DDX39B: variants seen among roughly 807,000 people sequenced by gnomAD.
DDX39B encodes spliceosome RNA helicase DDX39B.
A neutral mutation model predicts 46.4 loss-of-function variants in DDX39B; 6 were observed. The ratio of observed to expected loss-of-function variants is 0.13; its 90% CI spans 0.07 to 0.26. The LOEUF is 0.26. DDX39B is among the 10% of genes least tolerant of loss of function. The probability of loss-of-function intolerance (pLI) is 1.00; values close to 1 mark genes in which losing one functional copy is unlikely to be tolerated. For missense variants in DDX39B, 185 were observed against 553.4 expected, an observed-to-expected ratio of 0.33 and a Z score of 6.68; for synonymous variants, 174 against 199.4, an observed-to-expected ratio of 0.87 and a Z score of 1.07.
At chr6:31,536,793 A>G (rs1767829386) in intron 4 of DDX39B, 110 bp from the exon 5 acceptor site, 5 of 1,388,856 alleles carry the variant, frequency 3.6e-6, no homozygotes, top group Non-Finnish European at 3.8e-6. Context: ...TTTCCAAACT[A>G]AAACTAACTT....
rs1007336923 is a variant in DDX39B at position 31,531,514 on chromosome 6, T to A, written c.868-109A>T. On this transcript the variant is annotated intron_variant, in intron 7 of 10. Transcript: ENST00000396172. The surrounding 1 kb of genome is among the most constrained non-coding windows in gnomAD (Gnocchi z 5.8). ...TTTCTAGTAATTACGTTCTCAGGAA[T>A]TCCTCTTCATTTCTCTTATTCCCCC... is the stretch of plus-strand genomic sequence containing the variant. The A allele has an allele frequency of 1.1e-4, 96 of 851,866 alleles. No homozygotes were observed. The South Asian group carries it at 1.4e-3, about 12-fold the overall frequency. The allele number at this position is 851,866 out of a possible 1,614,324, so 52.8% of individuals were successfully genotyped here. A position where few individuals can be genotyped will look rare whatever the true frequency, so the allele number is the denominator to read the frequency against.
Position 31,534,698 on chromosome 6 carries a change from G to A in DDX39B, c.735+669C>T, listed in dbSNP as rs377587821. 2.1e-4 allele frequency: 74 copies of A among 356,272 alleles called. No homozygotes were observed. The highest frequency in any genetic ancestry group is 1.3e-3 in the African/African-American group (63 of 46,840). The allele number at this position is 356,272 out of a possible 1,614,324, so 22.1% of individuals were successfully genotyped here. ...GTCAGGTTTCCCCGCGGCCTCCGCT[G>A]CCGCCATCCACCGCTGGGTGCCGTC... On this transcript the variant is annotated intron_variant, in intron 6 of 10. Transcript: ENST00000396172. This position sits in a 1 kb window ranked among gnomAD's most constrained non-coding sequence, Gnocchi z 5.1.
intron 4 of DDX39B, 120 bp downstream of exon 4, chr6:31,538,643 A>G (rs1768052941): frequency 2.3e-6 from 2 of 881,650 alleles, no homozygotes; most frequent in Admixed American, 5.5e-5. Flanking sequence ...GGAACTCAAC[A>G]CTCTGTTACA....
Position 31,541,939 on chromosome 6 carries a change from C to A in DDX39B, c.-133+11G>T. The A allele has an allele frequency of 1.5e-6, 1 of 654,514 alleles. No individual in the cohort carries two copies. Among genetic ancestry groups the A allele is most frequent in the Non-Finnish European group, 2.8e-6 (1 of 354,938 alleles). 40.5% of individuals were successfully genotyped at this position (654,514 alleles called of 1,614,324 possible). On this transcript the variant is annotated intron_variant, in intron 1 of 10. Coordinates refer to ENST00000396172, the MANE Select transcript of DDX39B (RefSeq NM_004640.7). ...AGATGGAAACGGATTGTAGCGAAGG[C>A]CAAAGCTTACCTAAACAGGGAGAGC... is the stretch of plus-strand genomic sequence containing the variant.
chr6:31,536,302 A>C (rs1767774598), intron 5 of DDX39B, 198 bp downstream of exon 5: 1 of 818,194 alleles, frequency 1.2e-6, no homozygotes, highest in African/African-American at 1.7e-5. Flanking sequence ...AAAAACAAAA[A>C]TCATAGAAAG....
chr6:31,530,870 A>T lies in DDX39B; in HGVS notation c.1179T>A (p.Asp393Glu), dbSNP rs1236357354. 1 of 1,613,900 alleles carries T rather than the reference A, an allele frequency of 6.2e-7. No individual in the cohort carries two copies. Among genetic ancestry groups the T allele is most frequent in the Admixed American group, 1.7e-5 (1 of 60,028 alleles). The part of the protein sequence containing the change: ...TKGLAITFVS[D>E]ENDAKILNDV... ...CATTGAGGATCTTGGCATCATTCTC[A>T]TCGGACACAAATGTGATAGCCAAGC... is the stretch of plus-strand genomic sequence containing the variant. The change falls in exon 10 of 11, where the codon GAT becomes GAA. Residue 393 changes from aspartate to glutamate, a missense_variant. Asp to Glu is a conservative substitution (Grantham distance 45, BLOSUM62 2). This residue lies in a region of DDX39B where 22 missense variants were observed against 52.3 expected (regional missense o/e 0.42). Transcript: ENST00000396172. This position sits in a 1 kb window ranked among gnomAD's most constrained non-coding sequence, Gnocchi z 4.5.
At position 31,535,262 on chromosome 6, in the gene DDX39B, C is replaced by A; in HGVS notation, c.735+105G>T. 1.8e-6 allele frequency: 2 copies of A among 1,120,488 alleles called. No individual in the cohort carries two copies. The highest frequency in any genetic ancestry group is 1.4e-6 in the Non-Finnish European group (1 of 737,164). 69.4% of individuals were successfully genotyped at this position (1,120,488 alleles called of 1,614,324 possible). A position where few individuals can be genotyped will look rare whatever the true frequency, so the allele number is the denominator to read the frequency against. On this transcript the variant is annotated intron_variant, in intron 6 of 10. Coordinates refer to ENST00000396172, the MANE Select transcript of DDX39B (RefSeq NM_004640.7). The surrounding 1 kb of genome is among the most constrained non-coding windows in gnomAD (Gnocchi z 4.6). ...TCATTACTCCCAGTTGGGCACAAGC[C>A]GCCTTCTTGGCACTTGAATGACAAG...
chr6:31,530,776 C>T lies in DDX39B; in HGVS notation c.1270+3G>A. 1 of 1,611,566 alleles carries T rather than the reference C, an allele frequency of 6.2e-7. No homozygotes were observed. The highest frequency in any genetic ancestry group is 8.5e-7 in the Non-Finnish European group (1 of 1,179,938). ...TAAAGGGTTTCATGAGATCAGTACT[C>T]ACTGTAGGAGGAGATGTCTATCTCA... On this transcript the variant is annotated splice_donor_region_variant and intron_variant, in intron 10 of 10. Transcript: ENST00000396172. The surrounding 1 kb of genome is among the most constrained non-coding windows in gnomAD (Gnocchi z 4.5).
chr6:31,534,164 C>T lies in DDX39B; in HGVS notation c.735+1203G>A, dbSNP rs1385713182. ...AGCTGGGACTACAGGCATGCGCCAC[C>T]ACGCCCGGTTTTTCTGGTAGAGACA... On this transcript the variant is annotated intron_variant, in intron 6 of 10. Coordinates refer to ENST00000396172, the MANE Select transcript of DDX39B (RefSeq NM_004640.7). This position sits in a 1 kb window ranked among gnomAD's most constrained non-coding sequence, Gnocchi z 5.1. 5.4e-6 allele frequency: 1 copy of T among 186,124 alleles called. No homozygotes were observed. The highest frequency in any genetic ancestry group is 1.1e-5 in the Non-Finnish European group (1 of 87,568). 11.5% of individuals were successfully genotyped at this position (186,124 alleles called of 1,614,324 possible).
rs1767003683 is a variant in DDX39B, at chr6:31,530,260, T to C, written c.*174A>G. The stretch of plus-strand genomic sequence containing the variant: ...CACATGTGTTTCATTTTTAGTTTTG[T>C]TAAAAAAAAATTCTGACAAATCAGA... On this transcript the variant is annotated 3_prime_UTR_variant, in exon 11 of 11. Transcript: ENST00000396172. This position sits in a 1 kb window ranked among gnomAD's most constrained non-coding sequence, Gnocchi z 4.5. The C allele has an allele frequency of 1.1e-6, 1 of 902,362 alleles. No individual in the cohort carries two copies. The highest frequency in any genetic ancestry group is 1.7e-6 in the Non-Finnish European group (1 of 602,692). 55.9% of individuals were successfully genotyped at this position (902,362 alleles called of 1,614,324 possible). A position where few individuals can be genotyped will look rare whatever the true frequency, so the allele number is the denominator to read the frequency against.
intron 7 of DDX39B, 32 bp downstream of exon 7, chr6:31,532,748 A>G (rs1165387270): frequency 1.9e-6 from 3 of 1,606,526 alleles, no homozygotes; most frequent in African/African-American, 2.7e-5. Flanking sequence ...GAGTGCTCCA[A>G]TGCTCATCCC....
At chr6:31,536,706 T>C in intron 4 of DDX39B, 23 bp from the exon 5 acceptor site, 1 of 1,608,728 alleles carries the variant, frequency 6.2e-7, no homozygotes, top group Non-Finnish European at 8.5e-7. Context: ...AAGCAAAGAG[T>C]CTCAAAACAG....
In DDX39B at chr6:31,540,438, T is replaced by C; in HGVS notation, c.95A>G (p.Lys32Arg). Residue 32 changes from lysine (K) to arginine (R), a missense_variant, in exon 2 of 11, where the codon AAG (lysine) becomes AGG (arginine). By Grantham distance (26) the Lys-to-Arg change is conservative (BLOSUM62 2). Coordinates refer to ENST00000396172, the MANE Select transcript of DDX39B (RefSeq NM_004640.7). ...AGGDGAEAPAKKDVKGSYVSI... is the reference protein window; with the variant it reads ...AGGDGAEAPARKDVKGSYVSI... Reference sequence around the variant, plus strand: ...GACATAGGAGCCCTTGACATCCTTCTTGGCAGGGGCCTCAGCCCCATCTCC... The same window carrying C: ...GACATAGGAGCCCTTGACATCCTTCCTGGCAGGGGCCTCAGCCCCATCTCC... The C allele has an allele frequency of 1.2e-6, 2 of 1,614,236 alleles. No homozygotes were observed. Among genetic ancestry groups the C allele is most frequent in the South Asian group, 1.1e-5 (1 of 91,078 alleles).
chr6:31,531,665 G>C lies in DDX39B; in HGVS notation c.868-260C>G. ...AATTGCCAGACATGCTAGGAGATGA[G>C]GATGAGATCACCTCATGAAAAAGTG... On this transcript the variant is annotated intron_variant, in intron 7 of 10. Coordinates refer to ENST00000396172, the MANE Select transcript of DDX39B (RefSeq NM_004640.7). This position sits in a 1 kb window ranked among gnomAD's most constrained non-coding sequence, Gnocchi z 5.8. 1 of 500,064 alleles carries C rather than the reference G, an allele frequency of 2.0e-6. No individual in the cohort carries two copies. The highest frequency in any genetic ancestry group is 3.7e-5 in the Admixed American group (1 of 27,366). The allele number at this position is 500,064 out of a possible 1,614,324, so 31.0% of individuals were successfully genotyped here.
intron 4 of DDX39B, 75 bp downstream of exon 4, chr6:31,538,688 G>T: frequency 1.5e-6 from 2 of 1,332,212 alleles, no homozygotes; most frequent in South Asian, 1.4e-5. Flanking sequence ...AAATTAAAGA[G>T]ACTATTGGCC....
In DDX39B at chr6:31,536,487, C is replaced by G. The variant is rs370794080; in HGVS notation, c.616+13G>C. ...CTCCCCAGCATTAGCCAAGCCCCAG[C>G]ACTGCCACTCACCGAGCTGTTCAAG... On this transcript the variant is annotated intron_variant, in intron 5 of 10. Coordinates refer to ENST00000396172, the MANE Select transcript of DDX39B (RefSeq NM_004640.7). 371 of 1,613,198 alleles carry G rather than the reference C, an allele frequency of 2.3e-4. No homozygotes were observed. Among genetic ancestry groups the G allele is most frequent in the Middle Eastern group, 1.3e-3 (8 of 6,062 alleles).
chr6:31,536,403 T>G (rs1222857897), intron 5 of DDX39B, 97 bp downstream of exon 5: 1 of 1,553,066 alleles, frequency 6.4e-7, no homozygotes, highest in Non-Finnish European at 8.8e-7. Flanking sequence ...TAGATAAGAG[T>G]CGTCCTTGCA....
chr6:31,532,559 G>C (rs1265611492), intron 7 of DDX39B: 2 of 502,666 alleles, frequency 4.0e-6, no homozygotes, highest in African/African-American at 3.9e-5. Flanking sequence ...AATTTTTGAA[G>C]TTTATTTTCC....
At chr6:31,532,658 C>A in intron 7 of DDX39B, 122 bp downstream of exon 7, 2 of 1,304,024 alleles carry the variant, frequency 1.5e-6, no homozygotes, top group African/African-American at 1.5e-5. Context: ...GATATTTATA[C>A]CCTCATTATT....
Sources: allele counts gnomAD v4.1 joint callset, GRCh38; gene constraint gnomAD v4.1.1; regional missense constraint gnomAD v4.1.1; non-coding constraint Gnocchi (gnomAD v3.1); transcripts MANE v1.5; gene names NCBI Gene and HGNC (gene_info 2026-07-23, HGNC 2026-07-21).